Variants in GFOD1 observed in about 807,000 individuals in gnomAD.
The protein encoded by GFOD1 is glucose-fructose oxidoreductase domain-containing protein 1.
A neutral mutation model predicts 25.4 loss-of-function variants in GFOD1; 9 were observed. The ratio of observed to expected loss-of-function variants is 0.35; its 90% CI spans 0.21 to 0.62. The LOEUF is 0.62. Among genes scored for constraint, GFOD1 ranks in the 20% least tolerant of loss-of-function variants. The probability of loss-of-function intolerance (pLI) is 0.72; values close to 1 mark genes in which losing one functional copy is unlikely to be tolerated. For synonymous variants in GFOD1, 253 were observed against 245.6 expected (o/e 1.03, Z -0.28); for missense variants, 403 against 556.9 (o/e 0.72, Z 2.78).
chr6:13,419,526 C>G (rs1443904509), intron 1 of GFOD1, among the ~76,000 whole-genome samples: 1 of 152,112 alleles, frequency 6.6e-6, no homozygotes, highest in Non-Finnish European at 1.5e-5. Context: ...CACAGCCAAC[C>G]TCTTAAAACA....
chr6:13,486,584 G>C (rs1758876338), intron 1 of GFOD1, 54 bp downstream of exon 1: 4 of 1,429,482 alleles, frequency 2.8e-6, no homozygotes, highest in Non-Finnish European at 3.9e-6. Flanking sequence ...AAGGAACCTA[G>C]AGAAGGTTAA....
chr6:13,392,343 CAAAAAAAAA>C (rs1035923592), intron 1 of GFOD1, among the ~76,000 whole-genome samples: 1 of 61,522 alleles, frequency 1.6e-5, no homozygotes, highest in Non-Finnish European at 3.3e-5. Context: ...GACCCTATCT[CAAAAAAAAA>C]AAAAAAAAAA....
At chr6:13,457,564 G>A (rs1458215049) in intron 1 of GFOD1, among the ~76,000 whole-genome samples, 1 of 152,290 alleles carries the variant, frequency 6.6e-6, no homozygotes, top group Admixed American at 6.5e-5. Context: ...GAACGTGGTC[G>A]GATAATGCCC....
chr6:13,384,182 C>T (rs556688256), intron 1 of GFOD1, among the ~76,000 whole-genome samples: 8 of 152,182 alleles, frequency 5.3e-5, no homozygotes, highest in African/African-American at 9.7e-5. Flanking sequence ...GCCGAGATCA[C>T]GCCACTTCAC....
At chr6:13,411,457 A>G (rs1201287852) in intron 1 of GFOD1, among the ~76,000 whole-genome samples, 5 of 151,498 alleles carry the variant, frequency 3.3e-5, no homozygotes, top group African/African-American at 4.9e-5. Flanking sequence ...ATGCCTGGCT[A>G]ATTTTTGTAT....
intron 1 of GFOD1, chr6:13,470,140 A>G (rs1423295259): frequency 1.3e-6 from 2 of 1,503,808 alleles, no homozygotes. Flanking sequence ...CCTGTTGGTG[A>G]ATGTAGCCAG....
chr6:13,425,229 G>C (rs551729281), intron 1 of GFOD1, among the ~76,000 whole-genome samples: 1 of 152,188 alleles, frequency 6.6e-6, no homozygotes, highest in East Asian at 1.9e-4. Context: ...CAAAGTGCTA[G>C]GATTACAAGT....
At chr6:13,419,261 T>C (rs957021209) in intron 1 of GFOD1, among the ~76,000 whole-genome samples, 1 of 152,178 alleles carries the variant, frequency 6.6e-6, no homozygotes, top group Non-Finnish European at 1.5e-5. Context: ...GAGATCAAGA[T>C]TCCAAAGAGG....
intron 1 of GFOD1, among the ~76,000 whole-genome samples, chr6:13,397,284 G>A (rs538843708): frequency 2.6e-5 from 4 of 152,218 alleles, no homozygotes; most frequent in South Asian, 2.1e-4. Flanking sequence ...TCTAAAGCCC[G>A]GCAATTCCAC....
chr6:13,442,151 C>T (rs1236857201), intron 1 of GFOD1, among the ~76,000 whole-genome samples: 1 of 152,182 alleles, frequency 6.6e-6, no homozygotes, highest in Non-Finnish European at 1.5e-5. Flanking sequence ...TTTTTCTAAT[C>T]GTTATAATGA....
intron 1 of GFOD1, among the ~76,000 whole-genome samples, chr6:13,458,962 G>A (rs12190770): frequency 6.6e-6 from 1 of 152,106 alleles, no homozygotes; most frequent in African/African-American, 2.4e-5. Context: ...AGGATCCAGA[G>A]ATTTTGTCCT....
chr6:13,461,978 A>G (rs1758299134), intron 1 of GFOD1, among the ~76,000 whole-genome samples: 1 of 152,216 alleles, frequency 6.6e-6, no homozygotes, highest in African/African-American at 2.4e-5. Context: ...GAGAGGCAGC[A>G]GAGTAGCGCA....
intron 1 of GFOD1, among the ~76,000 whole-genome samples, chr6:13,475,409 A>G (rs986159674): frequency 3.3e-5 from 5 of 152,014 alleles, no homozygotes; most frequent in Admixed American, 2.6e-4. Flanking sequence ...ACCCATCTCT[A>G]CTAAAAATAC....
In GFOD1 at chr6:13,460,585, T is replaced by C. The variant is rs113493340; in HGVS notation, c.253+26053A>G. 1.0e-2 allele frequency among the ~76,000 whole-genome samples: 1,518 copies of C among 152,118 alleles called. 20 individuals carry two copies. The highest frequency in any genetic ancestry group is 0.035 in the African/African-American group (1,447 of 41,490). Reference sequence around the variant, plus strand: ...TGTGAACAGAAAAGCAAACACTACATGTTCTAACTTATAAGTGGGAGCTGA... The same window carrying C: ...TGTGAACAGAAAAGCAAACACTACACGTTCTAACTTATAAGTGGGAGCTGA... On this transcript the variant is annotated intron_variant, in intron 1 of 1. Coordinates refer to ENST00000379287, the MANE Select transcript of GFOD1 (RefSeq NM_018988.4).
At chr6:13,485,277 C>T (rs1329595040) in intron 1 of GFOD1, among the ~76,000 whole-genome samples, 2 of 152,158 alleles carry the variant, frequency 1.3e-5, no homozygotes, top group Non-Finnish European at 2.9e-5. Context: ...CATAGCTCTT[C>T]GAAGACAGAA....
intron 1 of GFOD1, among the ~76,000 whole-genome samples, chr6:13,387,277 C>T (rs10807431): frequency 0.42 from 63,850 of 152,008 alleles, 16,283 homozygotes; most frequent in East Asian, 0.67. Flanking sequence ...AAGGGAATGT[C>T]GGATCCTGAT....
At chr6:13,483,791 A>G (rs955563743) in intron 1 of GFOD1, among the ~76,000 whole-genome samples, 2 of 152,166 alleles carry the variant, frequency 1.3e-5, no homozygotes, top group Non-Finnish European at 2.9e-5. Context: ...GGGGAGGTAG[A>G]GTGCTGGGTT....
intron 1 of GFOD1, among the ~76,000 whole-genome samples, chr6:13,466,517 C>T (rs536744312): frequency 5.3e-5 from 8 of 152,294 alleles, no homozygotes; most frequent in East Asian, 3.9e-4. Context: ...TGGCTGTACC[C>T]GCCAGTGACT....
rs1435983214 is a variant in GFOD1, at chr6:13,361,828, T to C, written c.*2915A>G. On this transcript the variant is annotated 3_prime_UTR_variant, in exon 2 of 2. Transcript: ENST00000379287. ...ATTTTTTCATGCCTCTTTTAAAGAA[T>C]ATATGTTCTTTCTAATACCCCAGCT... The C allele has an allele frequency of 6.6e-6, 1 of 152,234 alleles. No homozygotes were observed. The allele number at this position is 152,234 out of a possible 1,614,324, so 9.4% of individuals were successfully genotyped here. A position where few individuals can be genotyped will look rare whatever the true frequency, so the allele number is the denominator to read the frequency against.
Sources: allele counts gnomAD v4.1 joint callset (sites outside exome capture counted in the v4.1 genomes callset), GRCh38; gene constraint gnomAD v4.1.1; transcripts MANE v1.5; gene names NCBI Gene and HGNC (gene_info 2026-07-23, HGNC 2026-07-21).